NEDD1: variants seen among roughly 807,000 people sequenced by gnomAD.
NEDD1 encodes the protein protein NEDD1.
NEDD1 carries 33 observed loss-of-function variants against 74.0 expected under a neutral mutation model. That is an observed-to-expected ratio of 0.45 (90% CI 0.34 to 0.60). The LOEUF is 0.60. Among genes scored for constraint, NEDD1 ranks in the 20% least tolerant of loss-of-function variants. NEDD1 has a pLI of 0.01. For missense variants in NEDD1, 746 were observed against 776.5 expected, an observed-to-expected ratio of 0.96 and a Z score of 0.47; for synonymous variants, 250 against 264.4, an observed-to-expected ratio of 0.95 and a Z score of 0.53.
rs755466764 is a variant in NEDD1 at position 96,944,634 on chromosome 12, T to C, written c.1498-5T>C. 6.4e-7 allele frequency: 1 copy of C among 1,553,040 alleles called. No individual in the cohort carries two copies. The highest frequency in any genetic ancestry group is 8.8e-7 in the Non-Finnish European group (1 of 1,138,966). On this transcript the variant is annotated splice_region_variant and splice_polypyrimidine_tract_variant and intron_variant, in intron 12 of 15. Transcript: ENST00000266742. ...TTAAAGTCATTATTTATTTTAAATATAAAGTTAGCAAAGTTGGTCACATCT... is the reference window on the plus strand; with the variant it reads ...TTAAAGTCATTATTTATTTTAAATACAAAGTTAGCAAAGTTGGTCACATCT...
At position 96,925,135 on chromosome 12, in the gene NEDD1, CG is replaced by C. The variant is rs1189891015; in HGVS notation, c.489+5012del. Among the ~76,000 whole-genome samples the C allele has an allele frequency of 5.3e-5, 8 of 151,766 alleles. No homozygotes were observed. The East Asian group carries it at 1.5e-3, about 29-fold the overall frequency. On this transcript the variant is annotated intron_variant, in intron 6 of 15. Transcript: ENST00000266742. ...TGAGTGCTGTGAAAGCAATAAACTG[CG>C]GAGTTCCAAGGGAACCTAAAGGAGA...
At chr12:96,951,796 T>C (rs1878728235) in intron 15 of NEDD1, among the ~76,000 whole-genome samples, 153 bp from the exon 16 acceptor site, 2 of 151,822 alleles carry the variant, frequency 1.3e-5, no homozygotes, top group Admixed American at 6.6e-5. Context: ...CTTCCATTTA[T>C]ATTAACAAAC....
intron 4 of NEDD1, among the ~76,000 whole-genome samples, chr12:96,914,247 A>G (rs148929499): frequency 8.5e-5 from 13 of 152,310 alleles, no homozygotes; most frequent in African/African-American, 2.6e-4. Flanking sequence ...AACAATTTCA[A>G]CTTCTACTCT....
At chr12:96,933,665 G>GT (rs972376564) in intron 6 of NEDD1, among the ~76,000 whole-genome samples, 25 of 148,842 alleles carry the variant, frequency 1.7e-4, no homozygotes, top group South Asian at 1.3e-3. Flanking sequence ...ACTCCTTTTT[G>GT]TTTTTTTTTC....
At chr12:96,915,488 G>A (rs781092356) in intron 4 of NEDD1, among the ~76,000 whole-genome samples, 1 of 152,162 alleles carries the variant, frequency 6.6e-6, no homozygotes, top group Non-Finnish European at 1.5e-5. Context: ...TTCACCTTTC[G>A]TTTCTCAAAT....
chr12:96,923,539 G>A lies in NEDD1; in HGVS notation c.489+3414G>A, dbSNP rs926757972. On this transcript the variant is annotated intron_variant, in intron 6 of 15. Transcript: ENST00000266742. The stretch of plus-strand genomic sequence containing the variant: ...CTGTCTTATTTTTGCCACTTTGATG[G>A]TTATGTAGTGCTGTCTCATGGTGGT... 2.6e-5 allele frequency among the ~76,000 whole-genome samples: 4 copies of A among 152,204 alleles called. No individual in the cohort carries two copies. The East Asian group carries it at 7.7e-4, about 29-fold the overall frequency.
In NEDD1 at chr12:96,907,616, A is replaced by G. The variant is rs1219365078; in HGVS notation, c.-249A>G. On this transcript the variant is annotated 5_prime_UTR_variant, in exon 2 of 16. Coordinates refer to ENST00000266742, the MANE Select transcript of NEDD1 (RefSeq NM_152905.4). The stretch of plus-strand genomic sequence containing the variant: ...TTTCTTTTGGCAGGTACTTGGATGC[A>G]TTTTACAGGTTAGCCTCACTTGAGC... 1.3e-6 allele frequency: 2 copies of G among 1,551,296 alleles called. No individual in the cohort carries two copies. The highest frequency in any genetic ancestry group is 2.4e-5 in the East Asian group (1 of 40,924).
intron 2 of NEDD1, among the ~76,000 whole-genome samples, chr12:96,909,280 A>G (rs1469107973): frequency 6.6e-6 from 1 of 152,178 alleles, no homozygotes; most frequent in East Asian, 1.9e-4. Context: ...CAGGTAAGGA[A>G]GGGACTGCGT....
At chr12:96,926,928 A>T (rs1480962306) in intron 6 of NEDD1, among the ~76,000 whole-genome samples, 1 of 151,916 alleles carries the variant, frequency 6.6e-6, no homozygotes. Flanking sequence ...TTGAGGCTGC[A>T]GTGAGCCATG....
chr12:96,926,868 T>A (rs1421680743), intron 6 of NEDD1, among the ~76,000 whole-genome samples: 1 of 151,760 alleles, frequency 6.6e-6, no homozygotes, highest in African/African-American at 2.4e-5. Context: ...GCGCCTATAG[T>A]CCTAGCTACT....
At position 96,917,686 on chromosome 12, in the gene NEDD1, C is replaced by T. The variant is rs1230798713; in HGVS notation, c.297C>T (p.Asn99=). Reference sequence around the variant, plus strand: ...ATTTGGTAAGCGGAGGCCTAAATAACACTGTTAATATTTGGGATTTAAAAT... The same window carrying T: ...ATTTGGTAAGCGGAGGCCTAAATAATACTGTTAATATTTGGGATTTAAAAT... ...SMYLVSGGLN[N]TVNIWDLKSK... is the part of the protein sequence containing the mutation. The change falls in exon 5 of 16, where the codon AAC becomes AAT. Residue 99 remains asparagine, a synonymous_variant. Transcript: ENST00000266742. The T allele has an allele frequency of 6.4e-7, 1 of 1,554,212 alleles. No individual in the cohort carries two copies. The highest frequency in any genetic ancestry group is 8.6e-7 in the Non-Finnish European group (1 of 1,160,542).
chr12:96,948,907 T>C (rs1302265987), intron 14 of NEDD1, among the ~76,000 whole-genome samples: 2 of 152,224 alleles, frequency 1.3e-5, no homozygotes, highest in East Asian at 3.8e-4. Flanking sequence ...TTACTTGTTT[T>C]TTGGTTGGTT....
Position 96,940,516 on chromosome 12 carries a change from A to T in NEDD1, c.1225A>T (p.Met409Leu). The change falls in exon 10 of 16, where the codon ATG becomes TTG. Residue 409 changes from methionine (M) to leucine (L), a missense_variant. Transcript: ENST00000266742. ...TACTGGGAAAAGTAGTTTAGGTGAC[A>T]TGTTCTCACCTATCAGAGATGGTAA... Reference protein sequence around the residue: ...DDTGKSSLGDMFSPIRDDAVV... With the variant: ...DDTGKSSLGDLFSPIRDDAVV... 9 of 1,606,436 alleles carry T rather than the reference A, an allele frequency of 5.6e-6. No homozygotes were observed. Among genetic ancestry groups the T allele is most frequent in the Non-Finnish European group, 7.7e-6 (9 of 1,174,084 alleles).
Position 96,952,104 on chromosome 12 carries a change from A to G in NEDD1, c.*51A>G, listed in dbSNP as rs376069489. ...TGTAATTTGGGAAGTTTCTGGCAAC[A>G]CAGAACTACATAGAATCAGTATTGT... On this transcript the variant is annotated 3_prime_UTR_variant, in exon 16 of 16. Transcript: ENST00000266742. 2.1e-4 allele frequency: 201 copies of G among 946,372 alleles called. 1 individual carries two copies. The African/African-American group carries it at 3.0e-3, about 14-fold the overall frequency. 58.6% of individuals were successfully genotyped at this position (946,372 alleles called of 1,614,324 possible). A position where few individuals can be genotyped will look rare whatever the true frequency, so the allele number is the denominator to read the frequency against.
Position 96,944,650 on chromosome 12 carries a change from G to T in NEDD1, c.1509G>T (p.Leu503Phe). ...TTTTAAATATAAAGTTAGCAAAGTT[G>T]GTCACATCTGGTGCTGAAAGTGGAA... Reference protein sequence around the residue: ...SKDSFKQLAKLVTSGAESGNL... With the variant: ...SKDSFKQLAKFVTSGAESGNL... The change falls in exon 13 of 16, where the codon TTG becomes TTT. Residue 503 changes from leucine (L) to phenylalanine (F), a missense_variant. By Grantham distance (22) the Leu-to-Phe change is conservative. This residue lies in a region of NEDD1 where 706 missense variants were observed against 706.7 expected (regional missense o/e 1.00). Coordinates refer to ENST00000266742, the MANE Select transcript of NEDD1 (RefSeq NM_152905.4). The T allele has an allele frequency of 1.3e-6, 2 of 1,582,900 alleles. No homozygotes were observed. Among genetic ancestry groups the T allele is most frequent in the South Asian group, 1.1e-5 (1 of 87,512 alleles).
At chr12:96,919,958 G>T in intron 5 of NEDD1, 27 bp from the exon 6 acceptor site, 1 of 1,562,886 alleles carries the variant, frequency 6.4e-7, no homozygotes, top group South Asian at 1.1e-5. Context: ...ATGGGGCAGT[G>T]TACTTACTTT....
At chr12:96,941,734 A>G (rs1877683496) in intron 10 of NEDD1, among the ~76,000 whole-genome samples, 1 of 152,110 alleles carries the variant, frequency 6.6e-6, no homozygotes, top group African/African-American at 2.4e-5. Context: ...TTTTAAGACA[A>G]ATGAATAAAT....
At chr12:96,921,015 A>T (rs1875021129) in intron 6 of NEDD1, among the ~76,000 whole-genome samples, 1 of 152,216 alleles carries the variant, frequency 6.6e-6, no homozygotes, top group African/African-American at 2.4e-5. Flanking sequence ...GGTGATTCAG[A>T]ACAGCTGAGA....
At chr12:96,924,212 G>A (rs1487323624) in intron 6 of NEDD1, among the ~76,000 whole-genome samples, 2 of 152,084 alleles carry the variant, frequency 1.3e-5, no homozygotes, top group East Asian at 1.9e-4. Context: ...ATTTTGTTCC[G>A]TTGGTCTAGT....
Sources: gnomAD v4.1 joint callset for allele counts (sites outside exome capture counted in the v4.1 genomes callset) on GRCh38, gnomAD v4.1.1 for gene constraint, gnomAD v4.1.1 regional missense constraint, MANE v1.5 for transcripts, NCBI Gene and HGNC (gene_info 2026-07-23, HGNC 2026-07-21) for gene names.